Variants in SGCZ observed in about 807,000 individuals in gnomAD.
SGCZ encodes zeta-sarcoglycan.
Under a neutral mutation model 41.3 loss-of-function variants are expected in SGCZ, and 40 were observed. That is an observed-to-expected ratio of 0.97 (90% CI 0.75 to 1.26). SGCZ has a LOEUF of 1.26. Among genes scored for constraint, SGCZ ranks in the 50% most tolerant of loss-of-function variants. The probability of loss-of-function intolerance (pLI) is 0.00; values close to 1 mark genes in which losing one functional copy is unlikely to be tolerated. For missense variants in SGCZ, 552 were observed against 369.8 expected (o/e 1.49, Z -4.04); for synonymous variants, 206 against 137.5 (o/e 1.50, Z -3.49).
At chr8:14,990,098 C>G (rs963025685) in intron 1 of SGCZ, among the ~76,000 whole-genome samples, 9 of 152,158 alleles carry the variant, frequency 5.9e-5, no homozygotes, top group Non-Finnish European at 1.2e-4. Context: ...CATGGTCAAA[C>G]GTTGCCCTGC....
intron 1 of SGCZ, among the ~76,000 whole-genome samples, chr8:14,610,929 C>T (rs969223695): frequency 1.3e-5 from 2 of 152,054 alleles, no homozygotes; most frequent in African/African-American, 2.4e-5. Flanking sequence ...CACATGCTTC[C>T]AAACCTTCAT....
intron 1 of SGCZ, among the ~76,000 whole-genome samples, chr8:14,726,612 C>T (rs532446364): frequency 1.4e-4 from 22 of 151,774 alleles, no homozygotes; most frequent in Admixed American, 3.3e-4. Flanking sequence ...TTAAAATTCA[C>T]AATTTTGAGA....
intron 4 of SGCZ, among the ~76,000 whole-genome samples, chr8:14,224,475 G>A (rs981159794): frequency 6.6e-6 from 1 of 152,144 alleles, no homozygotes; most frequent in African/African-American, 2.4e-5. Context: ...TTCTAGCTGC[G>A]CTGCCCTGGC....
At chr8:15,237,010 T>A (rs1311024156) in intron 1 of SGCZ, among the ~76,000 whole-genome samples, 1 of 152,172 alleles carries the variant, frequency 6.6e-6, no homozygotes. Flanking sequence ...GCACTGCAAC[T>A]GCGGGAGGAA....
At chr8:14,724,309 A>G (rs185544884) in intron 1 of SGCZ, among the ~76,000 whole-genome samples, 7,947 of 151,418 alleles carry the variant, frequency 0.052, 689 homozygotes, top group African/African-American at 0.18. Context: ...AAGTGTATAT[A>G]TGTGTATATA....
At chr8:14,621,835 G>A (rs1055833233) in intron 1 of SGCZ, among the ~76,000 whole-genome samples, 3 of 151,994 alleles carry the variant, frequency 2.0e-5, no homozygotes, top group East Asian at 1.9e-4. Flanking sequence ...GGTTGGGGAC[G>A]CAGAGCCAAA....
At chr8:14,189,344 C>T (rs1805016677) in intron 4 of SGCZ, among the ~76,000 whole-genome samples, 1 of 152,160 alleles carries the variant, frequency 6.6e-6, no homozygotes, top group African/African-American at 2.4e-5. Context: ...TTTCAAATCC[C>T]TTCAACAGCT....
At chr8:14,167,243 T>C (rs1034229169) in intron 4 of SGCZ, among the ~76,000 whole-genome samples, 9 of 152,160 alleles carry the variant, frequency 5.9e-5, no homozygotes, top group African/African-American at 2.2e-4. Flanking sequence ...TACTTATCTG[T>C]TTTTCATGTA....
rs546954167 is a variant in SGCZ at position 14,574,149 on chromosome 8, A to G, written c.40-19223T>C. Among the ~76,000 whole-genome samples, 139 of 152,290 alleles carry G rather than the reference A, an allele frequency of 9.1e-4. 1 individual carries two copies. In the Middle Eastern group the frequency reaches 0.01, roughly 11 times the overall value. On this transcript the variant is annotated intron_variant, in intron 1 of 7. Transcript: ENST00000382080. ...CAGAAGCATTTGATGCAGGTTTCATATAACCTTTAGGATTGTAATGAATAA... is the reference window on the plus strand; with the variant it reads ...CAGAAGCATTTGATGCAGGTTTCATGTAACCTTTAGGATTGTAATGAATAA...
At chr8:14,311,665 G>A (rs957707597) in intron 3 of SGCZ, among the ~76,000 whole-genome samples, 1 of 152,162 alleles carries the variant, frequency 6.6e-6, no homozygotes, top group African/African-American at 2.4e-5. Context: ...AATGAGGTCA[G>A]CTCTTACATA....
At position 14,478,090 on chromosome 8, in the gene SGCZ, C is replaced by T. The variant is rs1032336301; in HGVS notation, c.234+76642G>A. Among the ~76,000 whole-genome samples the T allele has an allele frequency of 2.6e-5, 4 of 152,222 alleles. No homozygotes were observed. In the East Asian group the frequency reaches 7.7e-4, roughly 29 times the overall value. On this transcript the variant is annotated intron_variant, in intron 2 of 7. Coordinates refer to ENST00000382080, the MANE Select transcript of SGCZ (RefSeq NM_139167.4). ...ACTGGACAATGTGCATCCTCATTCA[C>T]TGCAGAAATGAAAATGTTACATCAC...
At chr8:14,467,426 A>C (rs964243478) in intron 2 of SGCZ, among the ~76,000 whole-genome samples, 5 of 152,118 alleles carry the variant, frequency 3.3e-5, no homozygotes, top group African/African-American at 1.2e-4. Context: ...CAATCTGAGC[A>C]CAAATCTCTT....
At chr8:14,738,954 C>G (rs1390042381) in intron 1 of SGCZ, among the ~76,000 whole-genome samples, 2 of 152,022 alleles carry the variant, frequency 1.3e-5, no homozygotes, top group African/African-American at 4.8e-5. Context: ...ATTTCAACAA[C>G]TATGATTGGT....
At chr8:14,181,908 A>G (rs945781810) in intron 4 of SGCZ, among the ~76,000 whole-genome samples, 2 of 152,176 alleles carry the variant, frequency 1.3e-5, no homozygotes, top group Admixed American at 6.5e-5. Flanking sequence ...AATTTTACAA[A>G]CACCTTAAAT....
At position 14,786,480 on chromosome 8, in the gene SGCZ, C is replaced by T. The variant is rs181620026; in HGVS notation, c.40-231554G>A. Among the ~76,000 whole-genome samples the T allele has an allele frequency of 3.1e-3, 477 of 151,884 alleles. 1 individual carries two copies. Among genetic ancestry groups the T allele is most frequent in the African/African-American group, 0.011 (461 of 41,430 alleles). ...TTTATCATGGTTCAGTTTTATGTACCATGATACAACGTACATGAGAATGGT... is the reference window on the plus strand; with the variant it reads ...TTTATCATGGTTCAGTTTTATGTACTATGATACAACGTACATGAGAATGGT... On this transcript the variant is annotated intron_variant, in intron 1 of 7. Transcript: ENST00000382080.
chr8:14,802,533 T>C (rs1801354906), intron 1 of SGCZ, among the ~76,000 whole-genome samples: 1 of 152,164 alleles, frequency 6.6e-6, no homozygotes, highest in African/African-American at 2.4e-5. Context: ...TTAATTAAAA[T>C]CAGTAATGAT....
At chr8:14,122,964 T>A (rs1356120760) in intron 5 of SGCZ, among the ~76,000 whole-genome samples, 1 of 152,214 alleles carries the variant, frequency 6.6e-6, no homozygotes, top group African/African-American at 2.4e-5. Context: ...AAGTATGTTG[T>A]AATCCCTTTT....
Position 14,466,935 on chromosome 8 carries a change from T to C in SGCZ, c.234+87797A>G, listed in dbSNP as rs1030639629. ...TATTAAAATCTTTGTCTCGTGGATCTGTCATCAGATTGTTTTCAAGAACAG... is the reference window on the plus strand; with the variant it reads ...TATTAAAATCTTTGTCTCGTGGATCCGTCATCAGATTGTTTTCAAGAACAG... On this transcript the variant is annotated intron_variant, in intron 2 of 7. Coordinates refer to ENST00000382080, the MANE Select transcript of SGCZ (RefSeq NM_139167.4). Among the ~76,000 whole-genome samples the C allele has an allele frequency of 2.0e-5, 3 of 152,038 alleles. No homozygotes were observed. In the East Asian group the frequency reaches 5.8e-4, roughly 29 times the overall value.
intron 1 of SGCZ, among the ~76,000 whole-genome samples, chr8:15,057,598 G>C (rs1468167324): frequency 6.6e-6 from 1 of 152,108 alleles, no homozygotes; most frequent in African/African-American, 2.4e-5. Context: ...AAATAGTAAA[G>C]GGATAATAGA....
Sources: allele counts gnomAD v4.1 joint callset (sites outside exome capture counted in the v4.1 genomes callset), GRCh38; gene constraint gnomAD v4.1.1; transcripts MANE v1.5; gene names NCBI Gene and HGNC (gene_info 2026-07-23, HGNC 2026-07-21).